LRRFIP1: variants seen among roughly 807,000 people sequenced by gnomAD.
LRRFIP1 encodes leucine-rich repeat flightless-interacting protein 1.
In LRRFIP1, 62 loss-of-function variants were observed where a neutral mutation model predicts 104.4. The ratio of observed to expected loss-of-function variants is 0.59; its 90% CI spans 0.48 to 0.73. LRRFIP1 has a LOEUF of 0.73. LRRFIP1 is among the 30% of genes least tolerant of loss of function. LRRFIP1 has a pLI of 0.00. For synonymous variants in LRRFIP1, 300 were observed against 299.0 expected, an observed-to-expected ratio of 1.00 and a Z score of -0.03; for missense variants, 796 against 824.5, an observed-to-expected ratio of 0.97 and a Z score of 0.42.
chr2:237,706,183 T>C (rs1480295217), intron 1 of LRRFIP1, among the ~76,000 whole-genome samples: 3 of 151,946 alleles, frequency 2.0e-5, no homozygotes, highest in Non-Finnish European at 4.4e-5. Context: ...AATTCCACGT[T>C]CCCACACAGT....
intron 1 of LRRFIP1, among the ~76,000 whole-genome samples, chr2:237,638,878 C>G (rs1203369146): frequency 6.6e-6 from 1 of 152,178 alleles, no homozygotes; most frequent in Non-Finnish European, 1.5e-5. Flanking sequence ...TGCAGGTAGA[C>G]TGGACTGATC....
rs945439804 is a variant in LRRFIP1 at position 237,780,981 on chromosome 2, G to A, written c.*1449G>A. Among the ~76,000 whole-genome samples the A allele has an allele frequency of 6.6e-6, 1 of 151,110 alleles. No individual in the cohort carries two copies. Among genetic ancestry groups the A allele is most frequent in the Non-Finnish European group, 1.5e-5 (1 of 67,996 alleles). On this transcript the variant is annotated 3_prime_UTR_variant, in exon 24 of 24. Coordinates refer to ENST00000308482, the MANE Select transcript of LRRFIP1 (RefSeq NM_001137550.2). ...CACGGGTCGGACAGGTGAGCAAAAT[G>A]TGCTGGCAGGTGGGCACCACTGGGA...
At chr2:237,752,565 G>A (rs557099048) in intron 14 of LRRFIP1, among the ~76,000 whole-genome samples, 67 of 152,194 alleles carry the variant, frequency 4.4e-4, no homozygotes, top group African/African-American at 1.4e-3. Flanking sequence ...AGCTCTTGCC[G>A]CTGCCTTTAG....
intron 1 of LRRFIP1, among the ~76,000 whole-genome samples, chr2:237,680,170 C>A (rs1486978839): frequency 2.0e-5 from 3 of 151,792 alleles, no homozygotes; most frequent in Non-Finnish European, 4.4e-5. Flanking sequence ...CATCTCAAAT[C>A]AAAAATATTT....
chr2:237,697,025 CCTT>C (rs1173575753), intron 1 of LRRFIP1, among the ~76,000 whole-genome samples: 1 of 152,140 alleles, frequency 6.6e-6, no homozygotes, highest in African/African-American at 2.4e-5. Context: ...AACTTACTTT[CCTT>C]CTTTTTTTTT....
intron 1 of LRRFIP1, among the ~76,000 whole-genome samples, chr2:237,641,894 G>A (rs371604536): frequency 1.4e-3 from 216 of 152,262 alleles, no homozygotes; most frequent in African/African-American, 3.3e-3. Flanking sequence ...CCAGGGCGTC[G>A]TCTTAGATGG....
At chr2:237,749,124 T>C (rs1339482453) in intron 12 of LRRFIP1, 75 bp from the exon 13 acceptor site, 7 of 1,495,446 alleles carry the variant, frequency 4.7e-6, no homozygotes, top group Non-Finnish European at 5.5e-6. Flanking sequence ...ATTATGGGGA[T>C]TACAATTCCA....
chr2:237,701,898 C>T (rs1279336173), intron 1 of LRRFIP1, among the ~76,000 whole-genome samples: 1 of 152,192 alleles, frequency 6.6e-6, no homozygotes, highest in Non-Finnish European at 1.5e-5. Context: ...AGCCTGGCTC[C>T]CGAGATGTCA....
At chr2:237,753,248 G>A (rs1559791424) in intron 14 of LRRFIP1, 61 bp from the exon 15 acceptor site, 1 of 1,328,484 alleles carries the variant, frequency 7.5e-7, no homozygotes. Flanking sequence ...ACAGAATACT[G>A]AATGATTCTT....
intron 17 of LRRFIP1, among the ~76,000 whole-genome samples, chr2:237,758,478 G>A (rs1175239793): frequency 2.6e-5 from 4 of 152,214 alleles, no homozygotes; most frequent in Admixed American, 6.5e-5. Flanking sequence ...CTGGGGCCCC[G>A]TGCTGTGTCC....
chr2:237,701,475 G>A (rs892253233), intron 1 of LRRFIP1, among the ~76,000 whole-genome samples: 1 of 152,226 alleles, frequency 6.6e-6, no homozygotes, highest in African/African-American at 2.4e-5. Context: ...TCTGCGCTCC[G>A]CTGGGGTTTC....
At chr2:237,713,008 G>C (rs923252788) in intron 2 of LRRFIP1, among the ~76,000 whole-genome samples, 1 of 152,086 alleles carries the variant, frequency 6.6e-6, no homozygotes, top group African/African-American at 2.4e-5. Flanking sequence ...GTTTTCATCG[G>C]GGTCACAAGC....
chr2:237,668,450 C>T lies in LRRFIP1; in HGVS notation c.97-40094C>T, dbSNP rs78627319. Among the ~76,000 whole-genome samples the T allele has an allele frequency of 5.8e-3, 891 of 152,326 alleles. 9 individuals carry two copies. Among genetic ancestry groups the T allele is most frequent in the East Asian group, 0.049 (253 of 5,180 alleles). ...ACACAACCCTCATGCTATGGTTCCC[C>T]GCCTTACCATCCTTAATGACTCCCA... is the stretch of plus-strand genomic sequence containing the variant. On this transcript the variant is annotated intron_variant, in intron 1 of 23. Transcript: ENST00000308482.
chr2:237,675,130 G>A (rs2090957700), intron 1 of LRRFIP1, among the ~76,000 whole-genome samples: 1 of 152,188 alleles, frequency 6.6e-6, no homozygotes, highest in African/African-American at 2.4e-5. Flanking sequence ...AGTCCCTCCT[G>A]AGCCCCCGCT....
intron 1 of LRRFIP1, among the ~76,000 whole-genome samples, chr2:237,698,625 A>T (rs1203880619): frequency 6.6e-6 from 1 of 152,248 alleles, no homozygotes; most frequent in Non-Finnish European, 1.5e-5. Context: ...CTTTCATGGT[A>T]ATTTCAGTCT....
rs1012083302 is a variant in LRRFIP1, at chr2:237,759,323, G to A, written c.1317+502G>A. On this transcript the variant is annotated intron_variant, in intron 18 of 23. Coordinates refer to ENST00000308482, the MANE Select transcript of LRRFIP1 (RefSeq NM_001137550.2). ...TCTTCAGCCGCTGCTTGACACAGGT[G>A]AAGCGCCAGTGGCAGCACTCTGGGT... Among the ~76,000 whole-genome samples the A allele has an allele frequency of 2.0e-5, 3 of 152,260 alleles. No individual in the cohort carries two copies. The East Asian group carries it at 5.8e-4, about 29-fold the overall frequency.
rs2150381834 is a variant in LRRFIP1, at chr2:237,735,583, C to T, written c.555+250C>T. On this transcript the variant is annotated intron_variant, in intron 10 of 23. Transcript: ENST00000308482. The surrounding 1 kb of genome is among the most constrained non-coding windows in gnomAD (Gnocchi z 4.6). Reference sequence around the variant, plus strand: ...TTGCACTGAGTTTCATCTGCTCTCTCTGCAGCACGCCAACCATACTAACAG... The same window carrying T: ...TTGCACTGAGTTTCATCTGCTCTCTTTGCAGCACGCCAACCATACTAACAG... The T allele has an allele frequency of 2.2e-6, 1 of 455,798 alleles. No homozygotes were observed. The highest frequency in any genetic ancestry group is 3.9e-6 in the Non-Finnish European group (1 of 256,088). 28.2% of individuals were successfully genotyped at this position (455,798 alleles called of 1,614,324 possible).
chr2:237,746,561 T>C (rs947276816), intron 11 of LRRFIP1, among the ~76,000 whole-genome samples: 2 of 152,184 alleles, frequency 1.3e-5, no homozygotes, highest in Non-Finnish European at 1.5e-5. Flanking sequence ...ACTCATCTTA[T>C]CGGAGTCTGC....
chr2:237,714,287 C>T lies in LRRFIP1; in HGVS notation c.201+11C>T. 1 of 1,597,250 alleles carries T rather than the reference C, an allele frequency of 6.3e-7. No individual in the cohort carries two copies. The highest frequency in any genetic ancestry group is 8.6e-7 in the Non-Finnish European group (1 of 1,168,314). ...TATCAGGTCCAAAAGGTAGGCTCTT[C>T]TTTCTTTATTTTCTAACTTGCATGT... On this transcript the variant is annotated intron_variant, in intron 3 of 23. Coordinates refer to ENST00000308482, the MANE Select transcript of LRRFIP1 (RefSeq NM_001137550.2).
Sources: allele counts gnomAD v4.1 joint callset (sites outside exome capture counted in the v4.1 genomes callset), GRCh38; gene constraint gnomAD v4.1.1; non-coding constraint Gnocchi (gnomAD v3.1); transcripts MANE v1.5; gene names NCBI Gene and HGNC (gene_info 2026-07-23, HGNC 2026-07-21).